Variants in PCDHA1 observed in about 807,000 individuals in gnomAD.
PCDHA1 encodes the protein protocadherin alpha-1.
PCDHA1 carries 42 observed loss-of-function variants against 61.3 expected under a neutral mutation model. The observed-to-expected ratio is 0.69, with a 90% confidence interval of 0.54 to 0.89. The LOEUF (loss-of-function observed/expected upper bound fraction) is 0.89, where lower values mean the gene tolerates loss of function less well. PCDHA1 is among the 40% of genes least tolerant of loss of function. PCDHA1 has a pLI of 0.00. For missense variants in PCDHA1, 1,256 were observed against 1,235.3 expected, an observed-to-expected ratio of 1.02 and a Z score of -0.25; for synonymous variants, 610 against 553.8, an observed-to-expected ratio of 1.10 and a Z score of -1.43.
chr5:140,829,810 T>A, intron 1 of PCDHA1: 1 of 1,613,866 alleles, frequency 6.2e-7, no homozygotes, highest in Non-Finnish European at 8.5e-7. Flanking sequence ...TGGGTGGTAC[T>A]GGTGGTGCAG....
chr5:140,823,351 G>C (rs1272348746), intron 1 of PCDHA1: 3 of 1,612,448 alleles, frequency 1.9e-6, no homozygotes, highest in African/African-American at 2.7e-5. Context: ...GGACCACGAG[G>C]AAGTGGAGCT....
chr5:140,975,578 C>T (rs2096673039), intron 1 of PCDHA1, among the ~76,000 whole-genome samples: 2 of 152,232 alleles, frequency 1.3e-5, no homozygotes, highest in Non-Finnish European at 2.9e-5. Flanking sequence ...TATGCAGTCT[C>T]ATGTCCCAGA....
At chr5:140,945,424 A>T (rs1227744054) in intron 1 of PCDHA1, among the ~76,000 whole-genome samples, 1 of 152,116 alleles carries the variant, frequency 6.6e-6, no homozygotes, top group Non-Finnish European at 1.5e-5. Context: ...ATTTCAATGA[A>T]GTTTTTACAG....
At chr5:140,844,873 C>T (rs2150374535) in intron 1 of PCDHA1, among the ~76,000 whole-genome samples, 1 of 149,368 alleles carries the variant, frequency 6.7e-6, no homozygotes, top group African/African-American at 2.4e-5. Flanking sequence ...ATTAAATACC[C>T]ATTAGACTTC....
At chr5:140,805,527 A>C in intron 1 of PCDHA1, 18 of 986,826 alleles carry the variant, frequency 1.8e-5, no homozygotes, top group Non-Finnish European at 2.2e-5. Flanking sequence ...TTAGACAAAC[A>C]GGATGAAAAT....
intron 1 of PCDHA1, chr5:140,848,990 C>T (rs2150428004): frequency 4.4e-6 from 7 of 1,597,248 alleles, no homozygotes; most frequent in Middle Eastern, 1.7e-4. Flanking sequence ...TCGGGGAGAA[C>T]GCCCTGCTCA....
intron 1 of PCDHA1, among the ~76,000 whole-genome samples, chr5:140,821,382 G>T (rs1160781940): frequency 1.3e-5 from 2 of 152,048 alleles, no homozygotes; most frequent in Admixed American, 6.5e-5. Flanking sequence ...TTTTAATGAC[G>T]CACTTATATT....
chr5:140,787,332 C>A lies in PCDHA1; in HGVS notation c.1042C>A (p.Pro348Thr). 6.2e-7 allele frequency: 1 copy of A among 1,614,172 alleles called. No individual in the cohort carries two copies. The highest frequency in any genetic ancestry group is 8.5e-7 in the Non-Finnish European group (1 of 1,180,016). Residue 348 changes from proline (P) to threonine (T), a missense_variant, in exon 1 of 4, where the codon CCA (proline) becomes ACA (threonine). Physicochemically the swap from Pro to Thr is conservative, Grantham distance 38. Coordinates refer to ENST00000504120, the MANE Select transcript of PCDHA1 (RefSeq NM_018900.4). ...AGTGCTGGATGTAAATGATAATGCT[C>A]CAGAACTGGCGGTCACTTCATTGTA... ...VKVLDVNDNA[P>T]ELAVTSLYLP...
At chr5:140,816,521 G>C (rs1433290964) in intron 1 of PCDHA1, 2 of 151,904 alleles carry the variant, frequency 1.3e-5, no homozygotes, top group Admixed American at 1.3e-4. Context: ...GTGTGTGTGT[G>C]TGTGTGTGTG....
At chr5:140,888,544 C>T (rs1295573540) in intron 1 of PCDHA1, among the ~76,000 whole-genome samples, 1 of 152,140 alleles carries the variant, frequency 6.6e-6, no homozygotes, top group Non-Finnish European at 1.5e-5. Flanking sequence ...TGCTCAGTAC[C>T]AATTTATTCC....
At chr5:140,880,242 G>A (rs549683370) in intron 1 of PCDHA1, among the ~76,000 whole-genome samples, 22 of 150,572 alleles carry the variant, frequency 1.5e-4, no homozygotes, top group Admixed American at 7.2e-4. Context: ...GTGTATGTGC[G>A]TGTGTGTATG....
rs782133523 is a variant in PCDHA1, at chr5:140,786,437, T to C, written c.147T>C (p.Ala49=). Residue 49 remains alanine, a synonymous_variant, in exon 1 of 4, where the codon GCT becomes GCC. Transcript: ENST00000504120. ...AKHGTFVGRV[A]QDLGLELAEL... is the part of the protein sequence containing the mutation. ...ACGGCACCTTCGTTGGCCGCGTTGC[T>C]CAGGACCTGGGACTGGAGCTGGCGG... The C allele has an allele frequency of 2.5e-6, 4 of 1,613,462 alleles. No homozygotes were observed. Among genetic ancestry groups the C allele is most frequent in the South Asian group, 1.1e-5 (1 of 91,044 alleles).
rs1039422866 is a variant in PCDHA1 at position 140,928,669 on chromosome 5, A to G, written c.2395-50280A>G. 6 of 1,614,042 alleles carry G rather than the reference A, an allele frequency of 3.7e-6. No homozygotes were observed. The African/African-American group carries it at 6.7e-5, about 18-fold the overall frequency. On this transcript the variant is annotated intron_variant, in intron 1 of 3. Transcript: ENST00000504120. ...AGCAGAGGATGCTGACAGTGGTTCT[A>G]ATGCCTGGCTTTCCTACCACATCTC...
chr5:140,801,963 C>A lies in PCDHA1; in HGVS notation c.2394+13279C>A, dbSNP rs17844252. 99 of 1,614,154 alleles carry A rather than the reference C, an allele frequency of 6.1e-5. 1 individual carries two copies. In the East Asian group the frequency reaches 1.5e-3, roughly 25 times the overall value. The stretch of plus-strand genomic sequence containing the variant: ...TAAAGTCAGATTACTCGAAAATGCA[C>A]CAAATGGTACCCTAGTGGTGACCGT... On this transcript the variant is annotated intron_variant, in intron 1 of 3. Coordinates refer to ENST00000504120, the MANE Select transcript of PCDHA1 (RefSeq NM_018900.4).
rs180990865 is a variant in PCDHA1 at position 140,858,241 on chromosome 5, G to C, written c.2394+69557G>C. 1.8e-3 allele frequency: 2,879 copies of C among 1,596,686 alleles called. 210 individuals carry two copies. In the African/African-American group the frequency reaches 0.035, roughly 19 times the overall value. On this transcript the variant is annotated intron_variant, in intron 1 of 3. Coordinates refer to ENST00000504120, the MANE Select transcript of PCDHA1 (RefSeq NM_018900.4). ...CGGCGCCCACCGAGGGCGCATGTGGGCCGGTGAAGCCCACGCTGGTGTGCT... is the reference window on the plus strand; with the variant it reads ...CGGCGCCCACCGAGGGCGCATGTGGCCCGGTGAAGCCCACGCTGGTGTGCT...
intron 1 of PCDHA1, among the ~76,000 whole-genome samples, chr5:140,913,389 C>T (rs1427012396): frequency 6.6e-6 from 1 of 152,122 alleles, no homozygotes; most frequent in Admixed American, 6.5e-5. Flanking sequence ...CTCATCATAG[C>T]CACTAATGAT....
intron 1 of PCDHA1, among the ~76,000 whole-genome samples, chr5:140,791,140 G>T (rs782729602): frequency 3.9e-5 from 6 of 152,174 alleles, no homozygotes; most frequent in Non-Finnish European, 8.8e-5. Flanking sequence ...GCAAATAGAT[G>T]AAAATGAGAA....
chr5:140,791,808 C>T (rs782272251), intron 1 of PCDHA1, among the ~76,000 whole-genome samples: 2 of 152,088 alleles, frequency 1.3e-5, no homozygotes, highest in Non-Finnish European at 2.9e-5. Flanking sequence ...AGCATCCACT[C>T]CCCTTGTTGT....
At chr5:140,924,901 AAAAATAAAAT>A (rs10667761) in intron 1 of PCDHA1, among the ~76,000 whole-genome samples, 1,500 of 80,408 alleles carry the variant, frequency 0.019, 14 homozygotes, top group African/African-American at 0.052. Context: ...TCTCAAAAAA[AAAAATAAAAT>A]AAAATAAAAT....
Sources: gnomAD v4.1 joint callset for allele counts (sites outside exome capture counted in the v4.1 genomes callset) on GRCh38, gnomAD v4.1.1 for gene constraint, MANE v1.5 for transcripts, NCBI Gene and HGNC (gene_info 2026-07-23, HGNC 2026-07-21) for gene names.